GLRA3: variants seen among roughly 807,000 people sequenced by gnomAD.
GLRA3 encodes glycine receptor subunit alpha-3.
In GLRA3, 44 loss-of-function variants were observed where a neutral mutation model predicts 60.4. The ratio of observed to expected loss-of-function variants is 0.73; its 90% confidence interval spans 0.57 to 0.94. The LOEUF (loss-of-function observed/expected upper bound fraction) is 0.94. GLRA3 is among the 40% of genes least tolerant of loss of function. The pLI is 0.00. For synonymous variants in GLRA3, 223 were observed against 192.9 expected (o/e 1.16, Z -1.29); for missense variants, 508 against 564.6 (o/e 0.90, Z 1.02).
intron 9 of GLRA3, among the ~76,000 whole-genome samples, chr4:174,652,777 C>G (rs1457891226): frequency 1.3e-5 from 2 of 152,218 alleles, no homozygotes; most frequent in Non-Finnish European, 2.9e-5. Context: ...TGTCACCAAA[C>G]ATGATACTGT....
At position 174,828,579 on chromosome 4, in the gene GLRA3, T is replaced by C. The variant is rs571419758; in HGVS notation, c.71+162A>G. On this transcript the variant is annotated intron_variant, in intron 1 of 9. Transcript: ENST00000274093. The stretch of plus-strand genomic sequence containing the variant: ...AAGCAAATGAGTAGGTCTCAGTAGA[T>C]AGACTGCTAAATAATTTAGACAGAA... 2.0e-5 allele frequency among the ~76,000 whole-genome samples: 3 copies of C among 152,300 alleles called. No individual in the cohort carries two copies. In the South Asian group the frequency reaches 6.2e-4, roughly 32 times the overall value.
chr4:174,797,085 C>T (rs2111329277), intron 1 of GLRA3, among the ~76,000 whole-genome samples: 1 of 152,238 alleles, frequency 6.6e-6, no homozygotes, highest in South Asian at 2.1e-4. Context: ...TAGCCCACAT[C>T]ATTTGTACAC....
intron 9 of GLRA3, among the ~76,000 whole-genome samples, chr4:174,654,267 T>C (rs575594997): frequency 6.6e-6 from 1 of 152,280 alleles, no homozygotes; most frequent in African/African-American, 2.4e-5. Context: ...ACTATAGACT[T>C]GACAAATGCA....
chr4:174,723,013 A>G, intron 4 of GLRA3: 1 of 167,240 alleles, frequency 6.0e-6, no homozygotes. Flanking sequence ...GCATTTCTAA[A>G]TTATTTCATA....
chr4:174,696,818 A>G (rs1246671497), intron 5 of GLRA3, among the ~76,000 whole-genome samples: 1 of 152,132 alleles, frequency 6.6e-6, no homozygotes, highest in East Asian at 1.9e-4. Flanking sequence ...ATGCATATGT[A>G]TGACAGAGAG....
chr4:174,785,510 A>G (rs912799174), intron 2 of GLRA3, among the ~76,000 whole-genome samples: 3 of 152,196 alleles, frequency 2.0e-5, no homozygotes, highest in Non-Finnish European at 2.9e-5. Flanking sequence ...CTTTTGGCTA[A>G]TGAGATTAAA....
intron 7 of GLRA3, among the ~76,000 whole-genome samples, chr4:174,667,355 C>G (rs1733718864): frequency 6.6e-6 from 1 of 152,056 alleles, no homozygotes; most frequent in African/African-American, 2.4e-5. Context: ...TCCTCATAAG[C>G]ACAGAATTGA....
At chr4:174,717,159 C>T (rs1365590776) in intron 4 of GLRA3, among the ~76,000 whole-genome samples, 2 of 142,500 alleles carry the variant, frequency 1.4e-5, no homozygotes, top group African/African-American at 5.2e-5. Flanking sequence ...CTGCAGTGAG[C>T]TAGGCTCACA....
At chr4:174,696,391 T>C (rs1037578145) in intron 5 of GLRA3, among the ~76,000 whole-genome samples, 2 of 150,890 alleles carry the variant, frequency 1.3e-5, no homozygotes, top group African/African-American at 2.4e-5. Flanking sequence ...TATTTAAAAC[T>C]TTACTATGAA....
At chr4:174,742,563 G>A (rs542055221) in intron 3 of GLRA3, among the ~76,000 whole-genome samples, 11 of 152,214 alleles carry the variant, frequency 7.2e-5, no homozygotes, top group Admixed American at 5.9e-4. Flanking sequence ...ATTTAAGGAG[G>A]AAAAATCTCT....
chr4:174,793,423 CATTTATTTATTTATTT>C (rs3059164), intron 1 of GLRA3, among the ~76,000 whole-genome samples: 3 of 120,034 alleles, frequency 2.5e-5, no homozygotes, highest in South Asian at 2.5e-4. Flanking sequence ...AATTTACATT[CATTTATTTATTTATTT>C]ATTTATTTAT....
chr4:174,825,368 G>C (rs1416809101), intron 1 of GLRA3, among the ~76,000 whole-genome samples: 2 of 151,936 alleles, frequency 1.3e-5, no homozygotes, highest in African/African-American at 4.8e-5. Flanking sequence ...TTTTACTAAG[G>C]CTTTGAAGTA....
At chr4:174,815,845 A>T (rs1277795335) in intron 1 of GLRA3, among the ~76,000 whole-genome samples, 1 of 152,138 alleles carries the variant, frequency 6.6e-6, no homozygotes, top group Non-Finnish European at 1.5e-5. Flanking sequence ...TGCCCTGGAG[A>T]CATTTTCCCC....
intron 3 of GLRA3, among the ~76,000 whole-genome samples, chr4:174,746,933 AAG>A (rs541487640): frequency 8.9e-4 from 135 of 152,298 alleles, no homozygotes; most frequent in African/African-American, 3.1e-3. Flanking sequence ...ATATCAACAA[AAG>A]AGGGAAAAAT....
At chr4:174,731,410 C>T (rs1736540113) in intron 3 of GLRA3, among the ~76,000 whole-genome samples, 1 of 152,060 alleles carries the variant, frequency 6.6e-6, no homozygotes, top group African/African-American at 2.4e-5. Context: ...AATAACTTGC[C>T]TGTAATAAAA....
At chr4:174,753,017 G>A (rs964430889) in intron 3 of GLRA3, among the ~76,000 whole-genome samples, 1 of 152,120 alleles carries the variant, frequency 6.6e-6, no homozygotes, top group Non-Finnish European at 1.5e-5. Context: ...ATGAGATTGA[G>A]AATAACTTCC....
chr4:174,794,908 A>G (rs1739501801), intron 1 of GLRA3, among the ~76,000 whole-genome samples: 1 of 152,114 alleles, frequency 6.6e-6, no homozygotes, highest in Non-Finnish European at 1.5e-5. Flanking sequence ...AATAGAGGAC[A>G]AGAGTTTTAT....
intron 1 of GLRA3, among the ~76,000 whole-genome samples, chr4:174,812,698 G>A (rs1472308124): frequency 6.6e-6 from 1 of 152,054 alleles, no homozygotes; most frequent in African/African-American, 2.4e-5. Flanking sequence ...TTTTTAAAAA[G>A]TAAGAGAGAG....
intron 2 of GLRA3, 129 bp downstream of exon 2, chr4:174,788,687 G>A (rs971435687): frequency 2.3e-5 from 12 of 521,980 alleles, no homozygotes; most frequent in African/African-American, 4.0e-5. Context: ...AAGACACCTT[G>A]GTGACTAATG....
Sources: allele counts gnomAD v4.1 joint callset (sites outside exome capture counted in the v4.1 genomes callset), GRCh38; gene constraint gnomAD v4.1.1; transcripts MANE v1.5; gene names NCBI Gene and HGNC (gene_info 2026-07-23, HGNC 2026-07-21).